The following MACROD1 variants were observed in gnomAD, a reference collection of about 807,000 sequenced individuals.
MACROD1 encodes the protein ADP-ribose glycohydrolase MACROD1.
A neutral mutation model predicts 41.4 loss-of-function variants in MACROD1; 31 were observed. The observed-to-expected ratio is 0.75, with a 90% confidence interval of 0.56 to 1.01. MACROD1 has a LOEUF of 1.01. Among genes scored for constraint, MACROD1 ranks in the 50% least tolerant of loss-of-function variants. MACROD1 has a pLI of 0.00. For missense variants in MACROD1, 473 were observed against 460.0 expected (o/e 1.03, Z -0.26); for synonymous variants, 252 against 203.4 (o/e 1.24, Z -2.03).
intron 3 of MACROD1, among the ~76,000 whole-genome samples, chr11:64,077,905 A>C (rs1944233227): frequency 6.6e-6 from 1 of 152,222 alleles, no homozygotes; most frequent in African/African-American, 2.4e-5. Flanking sequence ...TTAGGCCCTT[A>C]GACCCTCTGG....
At chr11:64,118,304 C>T in intron 3 of MACROD1, 1 of 1,538,070 alleles carries the variant, frequency 6.5e-7, no homozygotes, top group Non-Finnish European at 8.8e-7. Context: ...GCCCGCCCAC[C>T]CGGGCTGCCC....
rs1380970319 is a variant in MACROD1, at chr11:64,059,538, A to G, written c.518-44257T>C. Reference sequence around the variant, plus strand: ...GGCCCCCCAGGCCATCCCTGCCTGCAGGGTACTTCCACCCTCATCTGGGGA... The same window carrying G: ...GGCCCCCCAGGCCATCCCTGCCTGCGGGGTACTTCCACCCTCATCTGGGGA... On this transcript the variant is annotated intron_variant, in intron 3 of 10. Coordinates refer to ENST00000255681, the MANE Select transcript of MACROD1 (RefSeq NM_014067.4). Among the ~76,000 whole-genome samples the G allele has an allele frequency of 7.9e-5, 12 of 152,082 alleles. No individual in the cohort carries two copies. The South Asian group carries it at 2.5e-3, about 32-fold the overall frequency.
At chr11:64,029,185 G>C (rs1234767398) in intron 3 of MACROD1, among the ~76,000 whole-genome samples, 2 of 152,216 alleles carry the variant, frequency 1.3e-5, no homozygotes, top group Non-Finnish European at 2.9e-5. Context: ...TGCTGGGGTT[G>C]GTTGAGCCGG....
At chr11:64,087,533 G>A (rs577995238) in intron 3 of MACROD1, among the ~76,000 whole-genome samples, 2 of 152,342 alleles carry the variant, frequency 1.3e-5, no homozygotes, top group East Asian at 3.9e-4. Flanking sequence ...GGGCTTGGAG[G>A]CAAGCACGCA....
chr11:64,125,651 G>A (rs187754183), intron 3 of MACROD1, among the ~76,000 whole-genome samples: 30 of 152,338 alleles, frequency 2.0e-4, no homozygotes, highest in African/African-American at 7.0e-4. Context: ...TTGGATCCAC[G>A]TGTTGCCAGC....
intron 3 of MACROD1, among the ~76,000 whole-genome samples, chr11:64,066,490 G>A (rs1844817261): frequency 6.6e-6 from 1 of 151,442 alleles, no homozygotes; most frequent in Admixed American, 6.6e-5. Context: ...GTGGTGGCAT[G>A]CGCCTGTAGT....
At chr11:64,016,166 G>C (rs1393842518) in intron 3 of MACROD1, among the ~76,000 whole-genome samples, 1 of 152,166 alleles carries the variant, frequency 6.6e-6, no homozygotes, top group Non-Finnish European at 1.5e-5. Context: ...CCGATCGGCT[G>C]CCCCTCGCCA....
intron 3 of MACROD1, among the ~76,000 whole-genome samples, chr11:64,043,255 G>A (rs930644231): frequency 3.9e-5 from 6 of 152,324 alleles, no homozygotes; most frequent in African/African-American, 9.6e-5. Flanking sequence ...CGCCAGACAC[G>A]TGCTGGGATA....
At position 64,090,467 on chromosome 11, in the gene MACROD1, C is replaced by T. The variant is rs1944469335; in HGVS notation, c.517+60772G>A. Among the ~76,000 whole-genome samples, 1 of 152,208 alleles carries T rather than the reference C, an allele frequency of 6.6e-6. No individual in the cohort carries two copies. The highest frequency in any genetic ancestry group is 1.5e-5 in the Non-Finnish European group (1 of 68,028). ...TCGATAATAATTTACGAGGCAGCCCCTGAGGTGGAGGAGGAGGAGGAGGCC... is the reference window on the plus strand; with the variant it reads ...TCGATAATAATTTACGAGGCAGCCCTTGAGGTGGAGGAGGAGGAGGAGGCC... On this transcript the variant is annotated intron_variant, in intron 3 of 10. Transcript: ENST00000255681. This position sits in a 1 kb window ranked among gnomAD's most constrained non-coding sequence, Gnocchi z 4.7.
chr11:64,035,831 G>C (rs1171065673), intron 3 of MACROD1: 1 of 145,932 alleles, frequency 6.9e-6, no homozygotes, highest in African/African-American at 2.5e-5. Context: ...CCCGCGCCCT[G>C]CTCGCCGCCG....
At chr11:64,031,223 C>T (rs2134364821) in intron 3 of MACROD1, among the ~76,000 whole-genome samples, 1 of 152,262 alleles carries the variant, frequency 6.6e-6, no homozygotes, top group South Asian at 2.1e-4. Context: ...CTTCACCCTA[C>T]CTGGCTTTGT....
intron 1 of MACROD1, among the ~76,000 whole-genome samples, chr11:64,156,221 C>T (rs1346507686): frequency 6.6e-6 from 1 of 152,212 alleles, no homozygotes; most frequent in East Asian, 1.9e-4. Flanking sequence ...GTCAAGGCTT[C>T]AGTGAGCTGT....
intron 3 of MACROD1, among the ~76,000 whole-genome samples, chr11:64,044,490 C>T (rs1032613292): frequency 6.6e-6 from 1 of 152,158 alleles, no homozygotes; most frequent in Non-Finnish European, 1.5e-5. Flanking sequence ...CTCAAGCGAT[C>T]CTCCCGCCTT....
intron 1 of MACROD1, among the ~76,000 whole-genome samples, chr11:64,153,314 C>T (rs562938251): frequency 2.0e-5 from 3 of 152,328 alleles, no homozygotes; most frequent in African/African-American, 7.2e-5. Flanking sequence ...CACAGGCTCC[C>T]GGGATGGGGC....
chr11:64,149,245 G>A lies in MACROD1; in HGVS notation c.517+1994C>T, dbSNP rs911934123. ...GATTCCCGCCAGGTGCTGAGTGACCGTCATTTGCACGTCACGTGCATCAGC... is the reference window on the plus strand; with the variant it reads ...GATTCCCGCCAGGTGCTGAGTGACCATCATTTGCACGTCACGTGCATCAGC... On this transcript the variant is annotated intron_variant, in intron 3 of 10. Coordinates refer to ENST00000255681, the MANE Select transcript of MACROD1 (RefSeq NM_014067.4). 7.9e-5 allele frequency among the ~76,000 whole-genome samples: 12 copies of A among 152,284 alleles called. No homozygotes were observed. The South Asian group carries it at 1.0e-3, about 13-fold the overall frequency.
chr11:64,091,391 G>A (rs1255196718), intron 3 of MACROD1, among the ~76,000 whole-genome samples: 1 of 151,700 alleles, frequency 6.6e-6, no homozygotes, highest in Non-Finnish European at 1.5e-5. Flanking sequence ...AGGATGCCAG[G>A]TAGGGAGGTT....
chr11:64,008,772 C>G (rs554292341), intron 4 of MACROD1, among the ~76,000 whole-genome samples: 3 of 152,094 alleles, frequency 2.0e-5, no homozygotes, highest in South Asian at 2.1e-4. Context: ...TGAGCGGGGT[C>G]GCTAACCTCA....
intron 3 of MACROD1, among the ~76,000 whole-genome samples, chr11:64,093,779 T>G (rs933931345): frequency 6.6e-5 from 10 of 152,162 alleles, no homozygotes; most frequent in Non-Finnish European, 1.5e-4. Flanking sequence ...CAGAACAGTG[T>G]TCTAGTCTGG....
At chr11:64,083,899 G>A (rs774840611) in intron 3 of MACROD1, among the ~76,000 whole-genome samples, 5 of 152,210 alleles carry the variant, frequency 3.3e-5, no homozygotes, top group South Asian at 2.1e-4. Context: ...GCGTGCAGGC[G>A]GGCGTGCGGC....
Sources: allele counts gnomAD v4.1 joint callset (sites outside exome capture counted in the v4.1 genomes callset), GRCh38; gene constraint gnomAD v4.1.1; non-coding constraint Gnocchi (gnomAD v3.1); transcripts MANE v1.5; gene names NCBI Gene and HGNC (gene_info 2026-07-23, HGNC 2026-07-21).